The following AEBP2 variants were observed in gnomAD, a reference collection of about 807,000 sequenced individuals.
The protein encoded by AEBP2 is zinc finger protein AEBP2.
In AEBP2, 10 loss-of-function variants were observed where a neutral mutation model predicts 50.8. That is an observed-to-expected ratio of 0.20 (90% CI 0.12 to 0.33). The LOEUF (loss-of-function observed/expected upper bound fraction) is 0.33. AEBP2 is among the 10% of genes least tolerant of loss of function. The pLI is 1.00. For missense variants in AEBP2, 570 were observed against 688.0 expected (o/e 0.83, Z 1.92); for synonymous variants, 296 against 261.3 (o/e 1.13, Z -1.28).
intron 3 of AEBP2, among the ~76,000 whole-genome samples, chr12:19,483,045 T>C (rs1213062702): frequency 6.6e-6 from 1 of 152,164 alleles, no homozygotes; most frequent in Non-Finnish European, 1.5e-5. Context: ...TCTGCGCTGG[T>C]ATCTGCAGCA....
chr12:19,514,906 TC>T (rs1949296479), intron 7 of AEBP2, 122 bp downstream of exon 7: 1 of 702,816 alleles, frequency 1.4e-6, no homozygotes. Context: ...TCTCATTACT[TC>T]CTGGCTTTTT....
At chr12:19,487,738 G>A (rs907629986) in intron 3 of AEBP2, among the ~76,000 whole-genome samples, 2 of 151,810 alleles carry the variant, frequency 1.3e-5, no homozygotes, top group African/African-American at 4.8e-5. Flanking sequence ...GAAAAAAAAA[G>A]AGTGAAAAAA....
At chr12:19,466,926 A>G (rs543433014) in intron 2 of AEBP2, 1 of 503,332 alleles carries the variant, frequency 2.0e-6, no homozygotes, top group East Asian at 1.5e-4. Context: ...CCTGGGGAGA[A>G]AAGCAAAACC....
intron 1 of AEBP2, among the ~76,000 whole-genome samples, chr12:19,451,194 T>C (rs781549301): frequency 1.3e-5 from 2 of 152,238 alleles, no homozygotes; most frequent in South Asian, 4.1e-4. Context: ...ATTTTACTTA[T>C]GAATCTATGA....
At chr12:19,488,038 C>G (rs1264024545) in intron 3 of AEBP2, among the ~76,000 whole-genome samples, 2 of 151,932 alleles carry the variant, frequency 1.3e-5, no homozygotes, top group African/African-American at 4.8e-5. Context: ...CATATTTTGA[C>G]TAAATTAATT....
At chr12:19,450,842 C>A (rs142236200) in intron 1 of AEBP2, among the ~76,000 whole-genome samples, 44 of 137,046 alleles carry the variant, frequency 3.2e-4, no homozygotes, top group Admixed American at 3.0e-4. Context: ...GACATTGTCT[C>A]AAAAAAAAAA....
intron 1 of AEBP2, among the ~76,000 whole-genome samples, chr12:19,428,491 G>A (rs1416659931): frequency 6.6e-6 from 1 of 152,186 alleles, no homozygotes; most frequent in Admixed American, 6.5e-5. Flanking sequence ...TAGGGAGGAG[G>A]AAGGAGGATT....
intron 5 of AEBP2, among the ~76,000 whole-genome samples, chr12:19,507,285 A>G (rs980035108): frequency 6.6e-6 from 1 of 152,202 alleles, no homozygotes; most frequent in African/African-American, 2.4e-5. Flanking sequence ...ATAAGGGAGA[A>G]GTGATGTAAA....
chr12:19,439,473 C>T (rs1947899389), upstream of AEBP2, among the ~76,000 whole-genome samples: 1 of 151,582 alleles, frequency 6.6e-6, no homozygotes, highest in Non-Finnish European at 1.5e-5. Flanking sequence ...TGCCTCGTGC[C>T]GCCGCGCAGG....
chr12:19,497,265 CAT>C (rs1361163982), intron 4 of AEBP2, among the ~76,000 whole-genome samples: 1 of 142,904 alleles, frequency 7.0e-6, no homozygotes, highest in Non-Finnish European at 1.5e-5. Flanking sequence ...GAAGATAAAT[CAT>C]ACAATATATG....
intron 3 of AEBP2, among the ~76,000 whole-genome samples, chr12:19,485,948 C>CTTTTTTTTTTTT (rs60355570): frequency 1.1e-5 from 1 of 91,224 alleles, no homozygotes; most frequent in Non-Finnish European, 2.2e-5. Flanking sequence ...TGAGCCTCTG[C>CTTTTTTTTTTTT]TTTTTTTTTT....
At chr12:19,434,384 G>C (rs779162807) in intron 1 of AEBP2, among the ~76,000 whole-genome samples, 36 of 151,692 alleles carry the variant, frequency 2.4e-4, no homozygotes, top group Non-Finnish European at 4.4e-4. Flanking sequence ...TGTTGGTCAG[G>C]CTGGTCTTGA....
intron 1 of AEBP2, chr12:19,440,595 C>G: frequency 6.8e-7 from 1 of 1,467,930 alleles, no homozygotes; most frequent in Non-Finnish European, 9.1e-7. Flanking sequence ...CTCCTTTCCC[C>G]GCCCTCTTTC....
chr12:19,453,047 C>G (rs1182829474), intron 1 of AEBP2, among the ~76,000 whole-genome samples: 1 of 143,064 alleles, frequency 7.0e-6, no homozygotes, highest in Non-Finnish European at 1.5e-5. Context: ...CGGCTCATTG[C>G]AAGCTCCGCC....
rs1949373199 is a variant in AEBP2 at position 19,519,822 on chromosome 12, A to G, written c.*1705A>G. 6.6e-6 allele frequency: 1 copy of G among 152,442 alleles called. No homozygotes were observed. Among genetic ancestry groups the G allele is most frequent in the South Asian group, 2.1e-4 (1 of 4,834 alleles). 9.4% of individuals were successfully genotyped at this position (152,442 alleles called of 1,614,324 possible). ...TAACAATGGGGGTAAAGAGCTATAT[A>G]CATGAAAATGAGTCTTATAAAATTA... On this transcript the variant is annotated 3_prime_UTR_variant, in exon 8 of 8. Transcript: ENST00000266508.
At chr12:19,481,435 C>CT (rs1948728176) in intron 3 of AEBP2, among the ~76,000 whole-genome samples, 1 of 149,268 alleles carries the variant, frequency 6.7e-6, no homozygotes, top group African/African-American at 2.5e-5. Flanking sequence ...TTAAGTGTGC[C>CT]TTTTATTTCT....
intron 6 of AEBP2, among the ~76,000 whole-genome samples, chr12:19,512,811 G>A (rs1949255078): frequency 6.6e-6 from 1 of 151,996 alleles, no homozygotes; most frequent in African/African-American, 2.4e-5. Context: ...AGCCGGGTGT[G>A]GTGGTGCGCA....
intron 5 of AEBP2, among the ~76,000 whole-genome samples, chr12:19,504,165 C>G (rs1006314800): frequency 6.6e-6 from 1 of 151,294 alleles, no homozygotes; most frequent in African/African-American, 2.4e-5. Context: ...TGTCCCCTAA[C>G]TTGAATTTTT....
intron 5 of AEBP2, among the ~76,000 whole-genome samples, chr12:19,509,455 G>A (rs1949200853): frequency 1.3e-5 from 2 of 152,088 alleles, no homozygotes; most frequent in Admixed American, 1.3e-4. Flanking sequence ...ATGATTAAAA[G>A]TGAAGTTGAG....
Sources: gnomAD v4.1 joint callset for allele counts (sites outside exome capture counted in the v4.1 genomes callset) on GRCh38, gnomAD v4.1.1 for gene constraint, MANE v1.5 for transcripts, NCBI Gene and HGNC (gene_info 2026-07-23, HGNC 2026-07-21) for gene names.